Variants in SMAD2 observed in about 807,000 individuals in gnomAD.
SMAD2 encodes SMAD family member 2.
Under a neutral mutation model 64.4 loss-of-function variants are expected in SMAD2, and 8 were observed. The ratio of observed to expected loss-of-function variants is 0.12; its 90% CI spans 0.07 to 0.22. The LOEUF (loss-of-function observed/expected upper bound fraction) is 0.22. SMAD2 is among the 10% of genes least tolerant of loss of function. The pLI is 1.00. For synonymous variants in SMAD2, 203 were observed against 195.8 expected, an observed-to-expected ratio of 1.04 and a Z score of -0.31; for missense variants, 289 against 561.2, an observed-to-expected ratio of 0.51 and a Z score of 4.90.
At chr18:47,882,067 T>TG (rs1555654466) in intron 2 of SMAD2, among the ~76,000 whole-genome samples, 1 of 139,116 alleles carries the variant, frequency 7.2e-6, no homozygotes, top group East Asian at 2.4e-4. Flanking sequence ...TTTTTTTTTT[T>TG]GTGGAGACAG....
chr18:47,819,786 ACTC>A lies in SMAD2; in HGVS notation c.*22038_*22040del, dbSNP rs1912504402. On this transcript the variant is annotated 3_prime_UTR_variant, in exon 11 of 11. Transcript: ENST00000262160. ...ACTCCAGCCTGGGTGACAGAGCGAG[ACTC>A]CGTCTCAAAAAAAAAAAAAAAAAAA... is the stretch of plus-strand genomic sequence containing the variant. 9.1e-6 allele frequency: 1 copy of A among 110,082 alleles called. No homozygotes were observed. Among genetic ancestry groups the A allele is most frequent in the Non-Finnish European group, 1.8e-5 (1 of 56,602 alleles). 6.8% of individuals were successfully genotyped at this position (110,082 alleles called of 1,614,324 possible).
At chr18:47,857,863 C>T (rs1321735308) in intron 6 of SMAD2, among the ~76,000 whole-genome samples, 1 of 152,126 alleles carries the variant, frequency 6.6e-6, no homozygotes, top group Non-Finnish European at 1.5e-5. Flanking sequence ...AAGTCCTGGG[C>T]AAGGCTGGAA....
Position 47,840,095 on chromosome 18 carries a change from A to C in SMAD2, c.*1732T>G, listed in dbSNP as rs1913796614. 1.3e-5 allele frequency: 3 copies of C among 233,258 alleles called. No homozygotes were observed. In the East Asian group the frequency reaches 1.8e-4, roughly 14 times the overall value. The allele number at this position is 233,258 out of a possible 1,614,324, so 14.4% of individuals were successfully genotyped here. On this transcript the variant is annotated 3_prime_UTR_variant, in exon 11 of 11. Transcript: ENST00000262160. ...ACAATAAATATTTGTTGAATGAATA[A>C]AAAATTACTATACCAAATTTACATG...
At position 47,828,857 on chromosome 18, in the gene SMAD2, G is replaced by A. The variant is rs1220744657; in HGVS notation, c.*12970C>T. ...ACCCTTGTTCACATGTTTATCTGCT[G>A]ACCTTCCCTCCACTATTGTCCTATG... is the stretch of plus-strand genomic sequence containing the variant. On this transcript the variant is annotated 3_prime_UTR_variant, in exon 11 of 11. Transcript: ENST00000262160. 1 of 149,194 alleles carries A rather than the reference G, an allele frequency of 6.7e-6. No individual in the cohort carries two copies. 9.2% of individuals were successfully genotyped at this position (149,194 alleles called of 1,614,324 possible).
At chr18:47,903,762 T>C (rs768333167) in intron 1 of SMAD2, among the ~76,000 whole-genome samples, 2 of 151,012 alleles carry the variant, frequency 1.3e-5, no homozygotes, top group East Asian at 2.0e-4. Flanking sequence ...ATGAAAACTA[T>C]AGTATTAGAA....
At chr18:47,888,692 A>G (rs2033038426) in intron 2 of SMAD2, among the ~76,000 whole-genome samples, 1 of 152,192 alleles carries the variant, frequency 6.6e-6, no homozygotes, top group Non-Finnish European at 1.5e-5. Flanking sequence ...TCTACCTGGT[A>G]AAGGTAGGAA....
intron 1 of SMAD2, among the ~76,000 whole-genome samples, chr18:47,897,832 C>T (rs763181001): frequency 1.3e-5 from 2 of 152,086 alleles, no homozygotes; most frequent in South Asian, 2.1e-4. Context: ...TTAGCTCTTA[C>T]GCTTTTCTTT....
In SMAD2 at chr18:47,829,908, G is replaced by A. The variant is rs1912920316; in HGVS notation, c.*11919C>T. 1 of 152,122 alleles carries A rather than the reference G, an allele frequency of 6.6e-6. No homozygotes were observed. Among genetic ancestry groups the A allele is most frequent in the Non-Finnish European group, 1.5e-5 (1 of 68,020 alleles). The allele number at this position is 152,122 out of a possible 1,614,324, so 9.4% of individuals were successfully genotyped here. A position where few individuals can be genotyped will look rare whatever the true frequency, so the allele number is the denominator to read the frequency against. On this transcript the variant is annotated 3_prime_UTR_variant, in exon 11 of 11. Coordinates refer to ENST00000262160, the MANE Select transcript of SMAD2 (RefSeq NM_005901.6). The stretch of plus-strand genomic sequence containing the variant: ...TTCAGAGTATAAAATTTTGTCAGTG[G>A]TTTTCATTTTAGAATTAAAAATTTG...
chr18:47,898,301 G>A (rs952685272), intron 1 of SMAD2, among the ~76,000 whole-genome samples: 8 of 152,126 alleles, frequency 5.3e-5, no homozygotes, highest in Non-Finnish European at 1.0e-4. Context: ...TGGATTATAC[G>A]TGTATAAACA....
At position 47,834,020 on chromosome 18, in the gene SMAD2, A is replaced by T. The variant is rs1913171228; in HGVS notation, c.*7807T>A. 2 of 221,828 alleles carry T rather than the reference A, an allele frequency of 9.0e-6. No individual in the cohort carries two copies. The highest frequency in any genetic ancestry group is 1.9e-4 in the South Asian group (1 of 5,392). 13.7% of individuals were successfully genotyped at this position (221,828 alleles called of 1,614,324 possible). A position where few individuals can be genotyped will look rare whatever the true frequency, so the allele number is the denominator to read the frequency against. On this transcript the variant is annotated 3_prime_UTR_variant, in exon 11 of 11. Coordinates refer to ENST00000262160, the MANE Select transcript of SMAD2 (RefSeq NM_005901.6). Reference sequence around the variant, plus strand: ...ATCAGTTACCTTAGCTGGATCACTAAGTGTGAGTCTCACCACCATACTGGT... The same window carrying T: ...ATCAGTTACCTTAGCTGGATCACTATGTGTGAGTCTCACCACCATACTGGT...
At chr18:47,849,357 T>C (rs1914853369) in intron 7 of SMAD2, among the ~76,000 whole-genome samples, 1 of 151,812 alleles carries the variant, frequency 6.6e-6, no homozygotes, top group Non-Finnish European at 1.5e-5. Context: ...AAACATATCA[T>C]AAGGAATACT....
intron 8 of SMAD2, among the ~76,000 whole-genome samples, chr18:47,846,507 G>A (rs1914505220): frequency 6.6e-6 from 1 of 152,132 alleles, no homozygotes; most frequent in Non-Finnish European, 1.5e-5. Flanking sequence ...TGTAATTAAG[G>A]CAGCAAATCA....
chr18:47,918,208 A>G (rs1568115364), intron 1 of SMAD2, among the ~76,000 whole-genome samples: 1 of 152,192 alleles, frequency 6.6e-6, no homozygotes, highest in Admixed American at 6.5e-5. Context: ...CAAAGGGGAA[A>G]ACAAAATCCC....
intron 1 of SMAD2, among the ~76,000 whole-genome samples, chr18:47,914,686 C>T (rs562081801): frequency 1.3e-5 from 2 of 151,150 alleles, no homozygotes; most frequent in East Asian, 2.0e-4. Flanking sequence ...AAGGTCTGAT[C>T]ACACGCATTC....
chr18:47,848,994 A>G (rs563803655), intron 7 of SMAD2, among the ~76,000 whole-genome samples: 1 of 152,324 alleles, frequency 6.6e-6, no homozygotes, highest in Non-Finnish European at 1.5e-5. Flanking sequence ...TTCAAATACA[A>G]AACAATCATA....
At chr18:47,859,401 T>C (rs533502588) in intron 6 of SMAD2, among the ~76,000 whole-genome samples, 6 of 152,296 alleles carry the variant, frequency 3.9e-5, no homozygotes, top group East Asian at 1.9e-4. Context: ...GGAACTCTTA[T>C]CAAGATAAGT....
At position 47,856,143 on chromosome 18, in the gene SMAD2, T is replaced by G. The variant is rs1442244434; in HGVS notation, c.731-4816A>C. ...CATGGCATAATCTCATATGTGGGGT[T>G]TTTTTTTTTTAAGCCAAATACATAG... On this transcript the variant is annotated intron_variant, in intron 6 of 10. Coordinates refer to ENST00000262160, the MANE Select transcript of SMAD2 (RefSeq NM_005901.6). 7.0e-4 allele frequency among the ~76,000 whole-genome samples: 22 copies of G among 31,462 alleles called. No homozygotes were observed. In the East Asian group the frequency reaches 0.033, roughly 47 times the overall value. The allele number at this position is 31,462 out of a possible 152,430, so 20.6% of individuals were successfully genotyped here.
chr18:47,842,054 G>T, intron 10 of SMAD2, 104 bp from the exon 11 acceptor site: 2 of 1,296,410 alleles, frequency 1.5e-6, no homozygotes, highest in Non-Finnish European at 1.1e-6. Context: ...GAAATTAAAA[G>T]GTTGTGTATA....
intron 7 of SMAD2, among the ~76,000 whole-genome samples, chr18:47,850,974 AAACAT>A (rs987156087): frequency 9.1e-5 from 13 of 143,644 alleles, no homozygotes; most frequent in Non-Finnish European, 1.8e-4. Context: ...ATCATAAAAT[AAACAT>A]AACCATAAAA....
Sources: gnomAD v4.1 joint callset for allele counts (sites outside exome capture counted in the v4.1 genomes callset) on GRCh38, gnomAD v4.1.1 for gene constraint, MANE v1.5 for transcripts, NCBI Gene and HGNC (gene_info 2026-07-23, HGNC 2026-07-21) for gene names.